Variants in DIP2C observed in about 807,000 individuals in gnomAD.
DIP2C encodes the protein DIP2 acetate--CoA ligase C (putative).
In DIP2C, 33 loss-of-function variants were observed where a neutral mutation model predicts 192.4. That is an observed-to-expected ratio of 0.17 (90% CI 0.13 to 0.23). The LOEUF (loss-of-function observed/expected upper bound fraction) is 0.23, where lower values mean the gene tolerates loss of function less well. Ranked by LOEUF, DIP2C falls within the 10% of genes least tolerant of loss-of-function variation. The probability of loss-of-function intolerance (pLI) is 1.00; values close to 1 mark genes in which losing one functional copy is unlikely to be tolerated. For missense variants in DIP2C, 1,537 were observed against 2,110.1 expected, an observed-to-expected ratio of 0.73 and a Z score of 5.32; for synonymous variants, 979 against 864.1, an observed-to-expected ratio of 1.13 and a Z score of -2.33.
At chr10:476,670 C>A (rs1564760128) in intron 2 of DIP2C, among the ~76,000 whole-genome samples, 1 of 152,206 alleles carries the variant, frequency 6.6e-6, no homozygotes, top group Non-Finnish European at 1.5e-5. Context: ...CCCTCCACAC[C>A]CTCTCCTGAG....
Position 435,803 on chromosome 10 carries a change from C to A in DIP2C, c.394+5068G>T, listed in dbSNP as rs376967003. ...TCTGGCTCAAGTATTAAAATATTTT[C>A]TTTTCGTTCTTTGACACATTTTAAT... On this transcript the variant is annotated intron_variant, in intron 4 of 36. Transcript: ENST00000280886. 3.9e-5 allele frequency among the ~76,000 whole-genome samples: 6 copies of A among 152,230 alleles called. No individual in the cohort carries two copies. The East Asian group carries it at 1.2e-3, about 29-fold the overall frequency.
chr10:503,042 C>A (rs990567830), intron 1 of DIP2C, among the ~76,000 whole-genome samples: 1 of 151,194 alleles, frequency 6.6e-6, no homozygotes, highest in African/African-American at 2.4e-5. Flanking sequence ...CACTAACCTG[C>A]GGACTTACCA....
chr10:528,443 C>G (rs1253475990), intron 1 of DIP2C, among the ~76,000 whole-genome samples: 1 of 150,732 alleles, frequency 6.6e-6, no homozygotes. Context: ...GCTGCTCCCC[C>G]AGAACGCAGA....
At chr10:635,829 A>AC (rs1261621165) in intron 1 of DIP2C, among the ~76,000 whole-genome samples, 1 of 151,440 alleles carries the variant, frequency 6.6e-6, no homozygotes, top group Non-Finnish European at 1.5e-5. Flanking sequence ...GTCAGGAAAG[A>AC]CCCCCAGAGG....
At chr10:596,939 C>G (rs569845878) in intron 1 of DIP2C, among the ~76,000 whole-genome samples, 1 of 152,248 alleles carries the variant, frequency 6.6e-6, no homozygotes, top group East Asian at 1.9e-4. Flanking sequence ...GAGGGCCACA[C>G]GTGGCATTGG....
At chr10:590,765 G>GA (rs1851355025) in intron 1 of DIP2C, among the ~76,000 whole-genome samples, 1 of 152,196 alleles carries the variant, frequency 6.6e-6, no homozygotes, top group Admixed American at 6.5e-5. Flanking sequence ...AAACGCTATT[G>GA]AAACTCAAAT....
At chr10:638,594 C>T (rs1169497135) in intron 1 of DIP2C, among the ~76,000 whole-genome samples, 1 of 152,206 alleles carries the variant, frequency 6.6e-6, no homozygotes, top group Non-Finnish European at 1.5e-5. Context: ...CAAGCACTAT[C>T]ACCTAGAACT....
At chr10:627,301 C>T (rs1010650518) in intron 1 of DIP2C, among the ~76,000 whole-genome samples, 3 of 152,226 alleles carry the variant, frequency 2.0e-5, no homozygotes, top group Non-Finnish European at 2.9e-5. Context: ...GAAACCCTCC[C>T]GACACCTCCC....
chr10:303,858 A>G (rs1331831663), intron 32 of DIP2C, among the ~76,000 whole-genome samples: 1 of 151,660 alleles, frequency 6.6e-6, no homozygotes, highest in Non-Finnish European at 1.5e-5. Context: ...TTTTTTTGTT[A>G]TAAACTAATA....
chr10:305,788 G>A (rs1956288349), intron 32 of DIP2C, among the ~76,000 whole-genome samples: 1 of 151,980 alleles, frequency 6.6e-6, no homozygotes, highest in South Asian at 2.1e-4. Context: ...AGGACTATAG[G>A]CACATGCCAC....
chr10:453,500 G>A (rs915114390), intron 3 of DIP2C, among the ~76,000 whole-genome samples: 4 of 152,234 alleles, frequency 2.6e-5, no homozygotes, highest in African/African-American at 7.2e-5. Flanking sequence ...TCAGCAGTCA[G>A]GACAGAGGGC....
At chr10:468,198 C>T (rs2066315) in intron 3 of DIP2C, among the ~76,000 whole-genome samples, 125,990 of 152,114 alleles carry the variant, frequency 0.83, 55,534 homozygotes, top group Non-Finnish European at 0.96. Context: ...TTGTTAAAAC[C>T]ACGTGAGCAT....
At chr10:674,789 T>TATATATATATATAGAGAGAGAGAGAGAG in intron 1 of DIP2C, among the ~76,000 whole-genome samples, 3 of 62,478 alleles carry the variant, frequency 4.8e-5, no homozygotes, top group East Asian at 5.5e-4. Flanking sequence ...TATATATATA[T>TATATATATATATAGAGAGAGAGAGAGAG]AGAGAGAGAG....
chr10:378,274 C>T (rs1026897088), intron 17 of DIP2C, among the ~76,000 whole-genome samples: 1 of 152,238 alleles, frequency 6.6e-6, no homozygotes, highest in African/African-American at 2.4e-5. Flanking sequence ...CAAGACTGAG[C>T]AGACTTCACT....
Position 281,320 on chromosome 10 carries a change from C to T in DIP2C, c.4298G>A (p.Arg1433His), listed in dbSNP as rs2132133659. The change falls in exon 36 of 37, where the codon CGC becomes CAC. Residue 1433 changes from arginine to histidine, a missense_variant. Physicochemically the swap from Arg to His is conservative, Grantham distance 29. Around this residue, in one of 4 missense-constraint regions of DIP2C, gnomAD observed 341 missense variants for 551.7 expected, o/e 0.62. Coordinates refer to ENST00000280886, the MANE Select transcript of DIP2C (RefSeq NM_014974.3). The part of the protein sequence containing the change: ...RTELTDANGE[R>H]HDALYVVGAL... ...CCCTACCACGTAGAGGGCATCATGG[C>T]GCTCTGTGGAGTAATGACAGCCTGC... The T allele has an allele frequency of 5.6e-6, 9 of 1,610,174 alleles. No homozygotes were observed. Among genetic ancestry groups the T allele is most frequent in the South Asian group, 1.1e-5 (1 of 90,910 alleles).
At chr10:349,231 C>T (rs575459096) in intron 25 of DIP2C, 100 bp downstream of exon 25, 27 of 1,489,482 alleles carry the variant, frequency 1.8e-5, no homozygotes, top group South Asian at 1.7e-4. Flanking sequence ...CCAGCCATGA[C>T]GCGACCCTCG....
intron 1 of DIP2C, among the ~76,000 whole-genome samples, chr10:595,666 C>T (rs535617593): frequency 2.0e-5 from 3 of 152,272 alleles, no homozygotes; most frequent in South Asian, 2.1e-4. Context: ...CAGGACACCC[C>T]GGGTTTACCG....
At chr10:620,909 G>C (rs1195243223) in intron 1 of DIP2C, among the ~76,000 whole-genome samples, 1 of 152,240 alleles carries the variant, frequency 6.6e-6, no homozygotes, top group African/African-American at 2.4e-5. Context: ...CTGTCGGCTG[G>C]AGTATCTAAC....
intron 3 of DIP2C, among the ~76,000 whole-genome samples, chr10:460,867 C>T (rs1969717057): frequency 6.6e-6 from 1 of 152,192 alleles, no homozygotes; most frequent in African/African-American, 2.4e-5. Context: ...TCTGCAGAAA[C>T]CCGACATGCC....
Sources: gnomAD v4.1 joint callset for allele counts (sites outside exome capture counted in the v4.1 genomes callset) on GRCh38, gnomAD v4.1.1 for gene constraint, gnomAD v4.1.1 regional missense constraint, MANE v1.5 for transcripts, NCBI Gene and HGNC (gene_info 2026-07-23, HGNC 2026-07-21) for gene names.